The following GPSM2 variants were observed in gnomAD, a reference collection of about 807,000 sequenced individuals.
The protein encoded by GPSM2 is G protein-signaling modulator 2.
GPSM2 carries 58 observed loss-of-function variants against 78.4 expected under a neutral mutation model. That is an observed-to-expected ratio of 0.74 (90% CI 0.60 to 0.92). The LOEUF is 0.92. Among genes scored for constraint, GPSM2 ranks in the 40% least tolerant of loss-of-function variants. The probability of loss-of-function intolerance (pLI) is 0.00; values close to 1 mark genes in which losing one functional copy is unlikely to be tolerated. For synonymous variants in GPSM2, 224 were observed against 280.2 expected (o/e 0.80, Z 2.00); for missense variants, 700 against 815.5 (o/e 0.86, Z 1.73).
intron 1 of GPSM2, chr1:108,882,582 C>T (rs1264461852): frequency 6.6e-6 from 1 of 152,166 alleles, no homozygotes; most frequent in African/African-American, 2.4e-5. Context: ...CTATGCAGAA[C>T]CCACAGATCT....
intron 5 of GPSM2, among the ~76,000 whole-genome samples, chr1:108,898,351 G>A (rs1648537455): frequency 6.6e-6 from 1 of 152,172 alleles, no homozygotes; most frequent in African/African-American, 2.4e-5. Context: ...CTGTTATTTA[G>A]AGTAATTTAG....
chr1:108,896,439 G>C (rs1229862976), intron 2 of GPSM2, among the ~76,000 whole-genome samples: 1 of 152,098 alleles, frequency 6.6e-6, no homozygotes, highest in Non-Finnish European at 1.5e-5. Context: ...CAGGTGACTA[G>C]ATTACTTGGA....
chr1:108,929,877 C>A lies in GPSM2; in HGVS notation c.1992C>A (p.Asp664Glu). The change falls in exon 15 of 15, where the codon GAC (aspartate) becomes GAA (glutamate). Residue 664 changes from aspartate (D) to glutamate (E), a missense_variant. Transcript: ENST00000264126. ...GAGACACTGACTTTGGGCTAAAGGA[C>A]TTTTTGCAAAATAATGCTTTGTTGG... ...QNRDTDFGLK[D>E]FLQNNALLEF... 6.2e-7 allele frequency: 1 copy of A among 1,613,770 alleles called. No homozygotes were observed.
In GPSM2 at chr1:108,898,118, A is replaced by G. The variant is rs12028832; in HGVS notation, c.557+17A>G. 23,471 of 1,611,010 alleles carry G rather than the reference A, an allele frequency of 0.015. 403 individuals carry two copies. The highest frequency in any genetic ancestry group is 0.056 in the African/African-American group (4,216 of 74,948). ...TTTTTATGAGTGAGTAGGGGCTGAT[A>G]TGGGCAGTCATGTAGGCCCATCTAA... On this transcript the variant is annotated intron_variant, in intron 5 of 14. Coordinates refer to ENST00000264126, the MANE Select transcript of GPSM2 (RefSeq NM_013296.5).
chr1:108,918,940 A>G, intron 12 of GPSM2, 151 bp downstream of exon 12: 1 of 652,312 alleles, frequency 1.5e-6, no homozygotes, highest in Non-Finnish European at 2.7e-6. Flanking sequence ...ATCTTCTTCA[A>G]AATTAGAAAT....
At chr1:108,887,135 G>A (rs767108603) in intron 2 of GPSM2, among the ~76,000 whole-genome samples, 14 of 152,134 alleles carry the variant, frequency 9.2e-5, no homozygotes, top group Admixed American at 2.6e-4. Flanking sequence ...TGATATGCCC[G>A]CCTTGGCCTC....
Position 108,929,850 on chromosome 1 carries a change from CAG to C in GPSM2, c.1969_1970del (p.Asp657HisfsTer2). On this transcript the variant is annotated frameshift_variant, in exon 15 of 15. Coordinates refer to ENST00000264126, the MANE Select transcript of GPSM2 (RefSeq NM_013296.5). LOFTEE classifies it high-confidence loss of function. ...QRVLLQRDQN[R>X]DTDFGLKDFL... ...GAGTTCTTTTACAAAGAGATCAAAA[CAG>C]AGACACTGACTTTGGGCTAAAGGAC... 1.9e-6 allele frequency: 3 copies of C among 1,613,878 alleles called. No individual in the cohort carries two copies. Among genetic ancestry groups the C allele is most frequent in the South Asian group, 1.1e-5 (1 of 91,080 alleles).
At chr1:108,923,163 A>G (rs144921100) in intron 13 of GPSM2, among the ~76,000 whole-genome samples, 2 of 151,910 alleles carry the variant, frequency 1.3e-5, no homozygotes, top group Admixed American at 6.6e-5. Flanking sequence ...CTCCCAAGTA[A>G]CTGGGACTAC....
At chr1:108,914,675 A>G (rs1408324820) in intron 11 of GPSM2, among the ~76,000 whole-genome samples, 2 of 152,214 alleles carry the variant, frequency 1.3e-5, no homozygotes, top group Non-Finnish European at 2.9e-5. Flanking sequence ...GCTAACAATG[A>G]TTTCTTCTGG....
chr1:108,917,332 C>T (rs1406753490), intron 11 of GPSM2, among the ~76,000 whole-genome samples: 1 of 151,714 alleles, frequency 6.6e-6, no homozygotes, highest in African/African-American at 2.4e-5. Flanking sequence ...CTTTGGGAGG[C>T]CGAGGCGGGT....
intron 2 of GPSM2, among the ~76,000 whole-genome samples, chr1:108,893,795 CTG>C (rs1648147109): frequency 6.6e-6 from 1 of 152,150 alleles, no homozygotes; most frequent in African/African-American, 2.4e-5. Context: ...TGGCTCACGC[CTG>C]TAATCCCAGC....
chr1:108,931,092 A>G lies in GPSM2; in HGVS notation c.*1152A>G. 3.1e-6 allele frequency: 1 copy of G among 323,256 alleles called. No individual in the cohort carries two copies. Among genetic ancestry groups the G allele is most frequent in the Non-Finnish European group, 5.6e-6 (1 of 177,368 alleles). 20.0% of individuals were successfully genotyped at this position (323,256 alleles called of 1,614,324 possible). On this transcript the variant is annotated 3_prime_UTR_variant, in exon 15 of 15. Transcript: ENST00000264126. Reference sequence around the variant, plus strand: ...TTTTGTGTGTTTTGGGCTGTTTAAAAAAATTATTTAAAATGGTCTCTTCTG... The same window carrying G: ...TTTTGTGTGTTTTGGGCTGTTTAAAGAAATTATTTAAAATGGTCTCTTCTG...
intron 14 of GPSM2, chr1:108,926,986 A>T (rs1441337003): frequency 6.6e-6 from 1 of 152,262 alleles, no homozygotes; most frequent in Non-Finnish European, 1.5e-5. Flanking sequence ...CAAAATCAAC[A>T]CAAAAATCAG....
chr1:108,896,795 G>T, intron 2 of GPSM2, 69 bp from the exon 3 acceptor site: 1 of 1,164,372 alleles, frequency 8.6e-7, no homozygotes, highest in South Asian at 1.2e-5. Flanking sequence ...ATTATATTAC[G>T]GGAAGTTAAA....
chr1:108,924,030 CG>C lies in GPSM2; in HGVS notation c.1633del (p.Asp545MetfsTer4). 1 of 1,611,554 alleles carries C rather than the reference CG, an allele frequency of 6.2e-7. No individual in the cohort carries two copies. The highest frequency in any genetic ancestry group is 1.1e-5 in the South Asian group (1 of 91,032). On this transcript the variant is annotated frameshift_variant, in exon 14 of 15. Coordinates refer to ENST00000264126, the MANE Select transcript of GPSM2 (RefSeq NM_013296.5). LOFTEE classifies it high-confidence loss of function. Reference sequence around the variant, plus strand: ...TCTGTTCCTGTGGTATCCCCCAACACGGATGAGTTTTTAGATCTTCTTGCCA... The same window carrying C: ...TCTGTTCCTGTGGTATCCCCCAACACGATGAGTTTTTAGATCTTCTTGCCA... ...TSSVPVVSPNTDEFLDLLASS... is the reference protein window; with the variant it reads ...TSSVPVVSPNXDEFLDLLASS...
At chr1:108,877,760 GT>G (rs1665703373) in intron 1 of GPSM2, 2 of 152,044 alleles carry the variant, frequency 1.3e-5, no homozygotes, top group Non-Finnish European at 2.9e-5. Flanking sequence ...GAAATTGGTA[GT>G]TGCTGCAAAA....
At chr1:108,917,244 C>T (rs1650298131) in intron 11 of GPSM2, among the ~76,000 whole-genome samples, 2 of 151,980 alleles carry the variant, frequency 1.3e-5, no homozygotes, top group South Asian at 4.2e-4. Flanking sequence ...GAATCGATGG[C>T]TTGGTTCACT....
chr1:108,904,196 C>A lies in GPSM2; in HGVS notation c.1134C>A (p.Ser378Arg). 6.3e-7 allele frequency: 1 copy of A among 1,594,516 alleles called. No homozygotes were observed. The highest frequency in any genetic ancestry group is 8.6e-7 in the Non-Finnish European group (1 of 1,162,758). Residue 378 changes from serine to arginine, a missense_variant, in exon 10 of 15, where the codon AGC becomes AGA. Physicochemically the swap from Ser to Arg is moderately radical, Grantham distance 110. Transcript: ENST00000264126. Reference protein sequence around the residue: ...LSDLQMVLGLSYSTNNSIMSE... With the variant: ...LSDLQMVLGLRYSTNNSIMSE... ...ACCTTCAAATGGTTCTTGGTCTGAGCTACAGCACAAATAACTCCATAATGT... is the reference window on the plus strand; with the variant it reads ...ACCTTCAAATGGTTCTTGGTCTGAGATACAGCACAAATAACTCCATAATGT...
intron 3 of GPSM2, 130 bp downstream of exon 3, chr1:108,897,215 A>G (rs1274015754): frequency 1.3e-6 from 1 of 766,850 alleles, no homozygotes; most frequent in Non-Finnish European, 2.2e-6. Flanking sequence ...ATCGCTTTTC[A>G]AAACTAACCT....
Sources: gnomAD v4.1 joint callset for allele counts (sites outside exome capture counted in the v4.1 genomes callset) on GRCh38, gnomAD v4.1.1 for gene constraint, MANE v1.5 for transcripts, NCBI Gene and HGNC (gene_info 2026-07-23, HGNC 2026-07-21) for gene names.